The following RNASEH2B variants were observed in gnomAD, a reference collection of about 807,000 sequenced individuals.
RNASEH2B encodes ribonuclease H2 subunit B.
A neutral mutation model predicts 45.0 loss-of-function variants in RNASEH2B; 36 were observed. The observed-to-expected ratio is 0.80, with a 90% CI of 0.61 to 1.06. The LOEUF is 1.06. RNASEH2B is among the 50% of genes least tolerant of loss of function. RNASEH2B has a pLI of 0.00. For missense variants in RNASEH2B, 361 were observed against 360.3 expected (o/e 1.00, Z -0.02); for synonymous variants, 119 against 125.7 (o/e 0.95, Z 0.35).
At chr13:50,922,449 C>A (rs2137908685) in intron 1 of RNASEH2B, among the ~76,000 whole-genome samples, 1 of 152,224 alleles carries the variant, frequency 6.6e-6, no homozygotes, top group East Asian at 1.9e-4. Flanking sequence ...ATTAAAGTGC[C>A]CAACTGTTGA....
chr13:50,938,934 C>T (rs1478441465), intron 5 of RNASEH2B: 1 of 152,186 alleles, frequency 6.6e-6, no homozygotes, highest in African/African-American at 2.4e-5. Flanking sequence ...GGAGATCAGG[C>T]ACAATGACTC....
intron 1 of RNASEH2B, among the ~76,000 whole-genome samples, chr13:50,916,030 T>G (rs1312094330): frequency 6.6e-6 from 1 of 151,960 alleles, no homozygotes; most frequent in African/African-American, 2.4e-5. Context: ...TTTTTTTTTT[T>G]GATAACTTTA....
intron 1 of RNASEH2B, among the ~76,000 whole-genome samples, chr13:50,918,386 C>G (rs537401153): frequency 6.6e-6 from 1 of 152,250 alleles, no homozygotes; most frequent in Non-Finnish European, 1.5e-5. Context: ...ATCCGCCCGC[C>G]TCGGCCTCCC....
chr13:50,954,447 TACTC>T (rs1952019382), intron 10 of RNASEH2B: 1 of 195,674 alleles, frequency 5.1e-6, no homozygotes, highest in Admixed American at 5.5e-5. Context: ...GGCATTATAA[TACTC>T]AGTTCTGGGC....
intron 7 of RNASEH2B, among the ~76,000 whole-genome samples, chr13:50,947,099 G>T (rs1427809257): frequency 1.3e-5 from 2 of 152,132 alleles, no homozygotes; most frequent in Admixed American, 6.5e-5. Flanking sequence ...TGGAAAAAAG[G>T]AAGTGAGTGA....
rs559686357 is a variant in RNASEH2B at position 50,969,283 on chromosome 13, C to T, written c.742-649C>T. On this transcript the variant is annotated intron_variant, in intron 9 of 9. Coordinates refer to the RNASEH2B transcript ENST00000422660. ...TGCTTCCTTCTCATCCACATTCTGG[C>T]ATAGAAGTTTGATTTCCATGTACAT... Among the ~76,000 whole-genome samples, 12 of 152,170 alleles carry T rather than the reference C, an allele frequency of 7.9e-5. No homozygotes were observed. In the East Asian group the frequency reaches 1.4e-3, roughly 17 times the overall value.
At chr13:50,929,669 C>T (rs980506302) in intron 3 of RNASEH2B, 87 bp downstream of exon 3, 5 of 858,166 alleles carry the variant, frequency 5.8e-6, no homozygotes, top group Non-Finnish European at 9.7e-6. Flanking sequence ...GGTCTGTCAC[C>T]GGGTTTGGAG....
rs764105023 is a variant in RNASEH2B, at chr13:50,949,542, A to G, written c.741+37A>G. 14 of 1,574,986 alleles carry G rather than the reference A, an allele frequency of 8.9e-6. No homozygotes were observed. The Admixed American group carries it at 1.7e-4, about 19-fold the overall frequency. ...TGACTAAGATATCTTTGGGGGACTTAGAAAAATATTACACTCTTACCACAT... is the reference window on the plus strand; with the variant it reads ...TGACTAAGATATCTTTGGGGGACTTGGAAAAATATTACACTCTTACCACAT... On this transcript the variant is annotated intron_variant, in intron 9 of 10. Coordinates refer to ENST00000336617, the MANE Select transcript of RNASEH2B (RefSeq NM_024570.4).
chr13:50,942,062 G>A (rs1951839530), intron 5 of RNASEH2B: 1 of 152,212 alleles, frequency 6.6e-6, no homozygotes, highest in South Asian at 2.1e-4. Context: ...AAGGTGGGAG[G>A]GAGAAAGAGC....
chr13:50,924,182 A>T (rs1407547812), intron 1 of RNASEH2B, among the ~76,000 whole-genome samples: 3 of 152,178 alleles, frequency 2.0e-5, no homozygotes, highest in Non-Finnish European at 2.9e-5. Flanking sequence ...TACCTTATCC[A>T]TAATTATATT....
At chr13:50,912,503 G>C (rs1879473865) in intron 1 of RNASEH2B, 1 of 152,202 alleles carries the variant, frequency 6.6e-6, no homozygotes, top group South Asian at 2.1e-4. Flanking sequence ...CCCTCTTTGT[G>C]GTGGGCCAGA....
At chr13:50,969,260 C>T (rs1952194623) in intron 9 of RNASEH2B, among the ~76,000 whole-genome samples, 1 of 152,092 alleles carries the variant, frequency 6.6e-6, no homozygotes, top group Non-Finnish European at 1.5e-5. Flanking sequence ...GAAGGCCTTG[C>T]TTCCTTCTCA....
chr13:50,949,841 A>C (rs1951954441), intron 9 of RNASEH2B, among the ~76,000 whole-genome samples: 1 of 152,208 alleles, frequency 6.6e-6, no homozygotes, highest in African/African-American at 2.4e-5. Flanking sequence ...AGCATACTCT[A>C]TATATAACTA....
chr13:50,963,925 C>T (rs1361536207), intron 9 of RNASEH2B, among the ~76,000 whole-genome samples: 7 of 152,104 alleles, frequency 4.6e-5, no homozygotes, highest in African/African-American at 1.7e-4. Flanking sequence ...CGGCCGGGTG[C>T]GTTGGCTCAC....
chr13:50,970,451 CT>C (rs1952210319), exon 10 of RNASEH2B: 1 of 197,622 alleles, frequency 5.1e-6, no homozygotes, highest in Admixed American at 6.1e-5. Flanking sequence ...ACATTTCTTC[CT>C]TTTTAGAAGA....
At chr13:50,916,751 A>G (rs1384002598) in intron 1 of RNASEH2B, among the ~76,000 whole-genome samples, 1 of 152,164 alleles carries the variant, frequency 6.6e-6, no homozygotes, top group African/African-American at 2.4e-5. Flanking sequence ...AGTCTGCCTT[A>G]GTATGGAAAT....
intron 1 of RNASEH2B, among the ~76,000 whole-genome samples, chr13:50,923,483 T>G (rs1167988745): frequency 3.3e-4 from 50 of 152,142 alleles, no homozygotes; most frequent in African/African-American, 2.4e-5. Flanking sequence ...ACAGCTGACT[T>G]CTCATTAGAA....
chr13:50,937,055 A>G (rs1178133815), intron 5 of RNASEH2B: 2 of 152,192 alleles, frequency 1.3e-5, no homozygotes, highest in Non-Finnish European at 2.9e-5. Context: ...TGATGGGCAA[A>G]ACATAAAATA....
intron 4 of RNASEH2B, among the ~76,000 whole-genome samples, chr13:50,931,691 C>T (rs962552515): frequency 6.6e-6 from 1 of 152,036 alleles, no homozygotes; most frequent in Non-Finnish European, 1.5e-5. Flanking sequence ...AATGTTACAG[C>T]CTTTTTAGAT....
Sources: allele counts gnomAD v4.1 joint callset (sites outside exome capture counted in the v4.1 genomes callset), GRCh38; gene constraint gnomAD v4.1.1; transcripts MANE v1.5; gene names NCBI Gene and HGNC (gene_info 2026-07-23, HGNC 2026-07-21).